Variants in ADSS2 observed in about 807,000 individuals in gnomAD.
ADSS2 encodes adenylosuccinate synthetase isozyme 2.
ADSS2 carries 30 observed loss-of-function variants against 60.0 expected under a neutral mutation model. The ratio of observed to expected loss-of-function variants is 0.50; its 90% CI spans 0.37 to 0.68. The LOEUF is 0.68. Among genes scored for constraint, ADSS2 ranks in the 30% least tolerant of loss-of-function variants. The probability of loss-of-function intolerance (pLI) is 0.00; values close to 1 mark genes in which losing one functional copy is unlikely to be tolerated. For missense variants in ADSS2, 373 were observed against 554.8 expected (o/e 0.67, Z 3.29); for synonymous variants, 187 against 193.1 (o/e 0.97, Z 0.26).
At position 244,417,637 on chromosome 1, in the gene ADSS2, C is replaced by T; in HGVS notation, c.1061G>A (p.Gly354Glu). Residue 354 changes from glycine to glutamate, a missense_variant, in exon 10 of 13, where the codon GGA becomes GAA. Physicochemically the swap from Gly to Glu is moderately conservative, Grantham distance 98. Coordinates refer to ENST00000366535, the MANE Select transcript of ADSS2 (RefSeq NM_001126.5). ...TCTGAAGAATACTCACGCAGTAAATCCATTGATCATATGAGCATATTTGAG... is the reference window on the plus strand; with the variant it reads ...TCTGAAGAATACTCACGCAGTAAATTCATTGATCATATGAGCATATTTGAG... Reference protein sequence around the residue: ...VLLKYAHMINGFTALALTKLD... With the variant: ...VLLKYAHMINEFTALALTKLD... 1 of 1,611,922 alleles carries T rather than the reference C, an allele frequency of 6.2e-7. No homozygotes were observed. The highest frequency in any genetic ancestry group is 8.5e-7 in the Non-Finnish European group (1 of 1,179,800).
intron 1 of ADSS2, among the ~76,000 whole-genome samples, chr1:244,440,240 C>G (rs766332389): frequency 6.6e-6 from 1 of 152,022 alleles, no homozygotes; most frequent in African/African-American, 2.4e-5. Context: ...CCATTCTGCC[C>G]GATTCACAAG....
chr1:244,433,080 T>C (rs1357817268), intron 3 of ADSS2, among the ~76,000 whole-genome samples: 1 of 151,872 alleles, frequency 6.6e-6, no homozygotes, highest in Non-Finnish European at 1.5e-5. Context: ...CTACTAAAAA[T>C]ACGAAATTAG....
intron 11 of ADSS2, among the ~76,000 whole-genome samples, chr1:244,415,087 G>A (rs1192593944): frequency 6.6e-6 from 1 of 152,200 alleles, no homozygotes; most frequent in Non-Finnish European, 1.5e-5. Flanking sequence ...CAAGTTTTAT[G>A]TGTTTTGTTA....
intron 8 of ADSS2, among the ~76,000 whole-genome samples, chr1:244,419,829 G>A (rs1463590045): frequency 6.6e-6 from 1 of 152,092 alleles, no homozygotes; most frequent in Non-Finnish European, 1.5e-5. Flanking sequence ...TTTTTAAAAG[G>A]TTGAATTAAA....
At chr1:244,416,112 C>G (rs1572129538) in intron 10 of ADSS2, 34 bp from the exon 11 acceptor site, 1 of 1,453,054 alleles carries the variant, frequency 6.9e-7, no homozygotes, top group Non-Finnish European at 9.6e-7. Flanking sequence ...GTTAAAAGAG[C>G]AGACTCTTAA....
intron 1 of ADSS2, among the ~76,000 whole-genome samples, chr1:244,439,729 A>G (rs767298732): frequency 6.6e-6 from 1 of 152,072 alleles, no homozygotes; most frequent in African/African-American, 2.4e-5. Flanking sequence ...TTGCCCAAGA[A>G]CTGTAGTCTT....
intron 1 of ADSS2, among the ~76,000 whole-genome samples, chr1:244,438,753 TTTTTTCA>T (rs1665162326): frequency 6.6e-6 from 1 of 152,170 alleles, no homozygotes; most frequent in Non-Finnish European, 1.5e-5. Flanking sequence ...GTGAGGCTAT[TTTTTTCA>T]TTTTTCATTT....
chr1:244,440,836 G>A (rs1356805535), intron 1 of ADSS2, among the ~76,000 whole-genome samples: 1 of 152,074 alleles, frequency 6.6e-6, no homozygotes, highest in East Asian at 1.9e-4. Context: ...TTTAACAGTT[G>A]TATTTTACCC....
chr1:244,422,592 C>T (rs896940605), intron 7 of ADSS2, among the ~76,000 whole-genome samples: 2 of 152,194 alleles, frequency 1.3e-5, no homozygotes, highest in African/African-American at 4.8e-5. Context: ...GATCTAAACT[C>T]CCTGTCACTG....
chr1:244,444,514 C>CAGAAAAAA (rs1665335066), intron 1 of ADSS2, among the ~76,000 whole-genome samples: 1 of 42,526 alleles, frequency 2.4e-5, no homozygotes, highest in African/African-American at 8.6e-5. Context: ...GACTCCATCT[C>CAGAAAAAA]AAAAAAAAAA....
chr1:244,445,747 T>C (rs1665368728), intron 1 of ADSS2, among the ~76,000 whole-genome samples: 1 of 152,184 alleles, frequency 6.6e-6, no homozygotes, highest in Admixed American at 6.5e-5. Context: ...TCTCCTTCCC[T>C]AAATCACTCC....
At chr1:244,450,646 T>C (rs112506955) in intron 1 of ADSS2, among the ~76,000 whole-genome samples, 4,216 of 152,306 alleles carry the variant, frequency 0.028, 95 homozygotes, top group Middle Eastern at 0.082. Flanking sequence ...TTATGCTTTG[T>C]TTTGAAAGTG....
chr1:244,435,595 T>G (rs2148007534), intron 3 of ADSS2, among the ~76,000 whole-genome samples: 1 of 151,604 alleles, frequency 6.6e-6, no homozygotes. Context: ...CTCCTCCACC[T>G]CTGTCCTTCT....
intron 3 of ADSS2, among the ~76,000 whole-genome samples, chr1:244,435,566 CTCT>C (rs1214188970): frequency 5.9e-5 from 9 of 151,810 alleles, no homozygotes; most frequent in South Asian, 4.2e-4. Flanking sequence ...CTCTGTCCTT[CTCT>C]TCTTCCTCCT....
At chr1:244,427,903 T>C (rs1447374891) in intron 4 of ADSS2, among the ~76,000 whole-genome samples, 1 of 152,184 alleles carries the variant, frequency 6.6e-6, no homozygotes, top group Non-Finnish European at 1.5e-5. Context: ...TATTTCATAA[T>C]GAGGAAAGGT....
At chr1:244,444,977 C>A (rs1347092513) in intron 1 of ADSS2, among the ~76,000 whole-genome samples, 1 of 152,144 alleles carries the variant, frequency 6.6e-6, no homozygotes. Context: ...ATCATCCCCC[C>A]AGCCACAGCA....
chr1:244,437,554 A>G, intron 2 of ADSS2, 112 bp downstream of exon 2: 1 of 765,920 alleles, frequency 1.3e-6, no homozygotes, highest in East Asian at 2.5e-5. Flanking sequence ...TTAATAAGAG[A>G]TCAATGAACC....
At chr1:244,418,095 C>G (rs2147991736) in intron 9 of ADSS2, among the ~76,000 whole-genome samples, 1 of 152,282 alleles carries the variant, frequency 6.6e-6, no homozygotes, top group African/African-American at 2.4e-5. Flanking sequence ...TTCCTGAAAA[C>G]CATAAGGCAA....
Position 244,437,654 on chromosome 1 carries a change from T to C in ADSS2, c.286+12A>G, listed in dbSNP as rs1665137995. ...GGGGGGAATCTCCATGCAGTTCAGT[T>C]TATATACTTACCAATGAATGCAGTG... On this transcript the variant is annotated intron_variant, in intron 2 of 12. Transcript: ENST00000366535. The C allele has an allele frequency of 1.3e-6, 2 of 1,540,134 alleles. No homozygotes were observed. The highest frequency in any genetic ancestry group is 4.5e-5 in the East Asian group (2 of 44,432).
Sources: allele counts gnomAD v4.1 joint callset (sites outside exome capture counted in the v4.1 genomes callset), GRCh38; gene constraint gnomAD v4.1.1; transcripts MANE v1.5; gene names NCBI Gene and HGNC (gene_info 2026-07-23, HGNC 2026-07-21).